TSPAN15: variants seen among roughly 807,000 people sequenced by gnomAD.
TSPAN15 encodes tetraspanin-15.
Under a neutral mutation model 34.5 loss-of-function variants are expected in TSPAN15, and 20 were observed. The ratio of observed to expected loss-of-function variants is 0.58; its 90% CI spans 0.41 to 0.84. The LOEUF is 0.84. Ranked by LOEUF, TSPAN15 falls within the 40% of genes least tolerant of loss-of-function variation. The pLI, the probability that TSPAN15 is intolerant of heterozygous loss-of-function variation, is 0.00. For missense variants in TSPAN15, 313 were observed against 386.1 expected (o/e 0.81, Z 1.59); for synonymous variants, 155 against 153.9 (o/e 1.01, Z -0.05).
At chr10:69,530,432 T>A in the TSPAN15 span, among the ~76,000 whole-genome samples, 1 of 147,772 alleles carries the variant, frequency 6.8e-6, no homozygotes, top group Non-Finnish European at 1.5e-5. Context: ...AATAACAAAA[T>A]CTGATGAGTA....
At chr10:69,455,350 C>A (rs902647628) in intron 1 of TSPAN15, among the ~76,000 whole-genome samples, 1 of 152,096 alleles carries the variant, frequency 6.6e-6, no homozygotes, top group African/African-American at 2.4e-5. Flanking sequence ...CACAGAACTA[C>A]GTATGTAGCC....
At chr10:69,505,405 C>T (rs568553948) in intron 6 of TSPAN15, among the ~76,000 whole-genome samples, 4 of 152,226 alleles carry the variant, frequency 2.6e-5, no homozygotes, top group South Asian at 2.1e-4. Flanking sequence ...ATTGTGTTGG[C>T]GACTCACATA....
intron 1 of TSPAN15, among the ~76,000 whole-genome samples, chr10:69,481,861 A>C (rs1191546096): frequency 1.3e-5 from 2 of 152,200 alleles, no homozygotes; most frequent in African/African-American, 4.8e-5. Flanking sequence ...GAAAGTCAGA[A>C]TCCTTGGACA....
At chr10:69,496,485 G>T (rs1842088364) in intron 4 of TSPAN15, among the ~76,000 whole-genome samples, 1 of 152,100 alleles carries the variant, frequency 6.6e-6, no homozygotes, top group Admixed American at 6.5e-5. Flanking sequence ...AGCTCTTGGG[G>T]CGTCGTCATG....
intron 3 of TSPAN15, chr10:69,494,980 G>T: frequency 1.5e-6 from 1 of 649,394 alleles, no homozygotes; most frequent in Non-Finnish European, 1.9e-6. Context: ...GATTGTCCCA[G>T]CCCTAGCCGA....
chr10:69,523,324 A>G, the TSPAN15 span: 3 of 502,314 alleles, frequency 6.0e-6, no homozygotes, highest in Non-Finnish European at 1.1e-5. Flanking sequence ...AGCCAAAGAA[A>G]GCCAGCCCAA....
rs568886774 is a variant in TSPAN15 at position 69,507,422 on chromosome 10, A to G, written c.*444A>G. On this transcript the variant is annotated 3_prime_UTR_variant, in exon 8 of 8. Transcript: ENST00000373290. The stretch of plus-strand genomic sequence containing the variant: ...GAAGGGCAGGAGGGAAGAGCTGTCC[A>G]TGCAGCCACGCCCATGGCCAGGTTG... 3.2e-6 allele frequency: 4 copies of G among 1,268,856 alleles called. No homozygotes were observed. Among genetic ancestry groups the G allele is most frequent in the African/African-American group, 3.1e-5 (2 of 64,508 alleles). The allele number at this position is 1,268,856 out of a possible 1,614,324, so 78.6% of individuals were successfully genotyped here.
At chr10:69,485,288 G>C in intron 3 of TSPAN15, 73 bp downstream of exon 3, 3 of 1,304,792 alleles carry the variant, frequency 2.3e-6, no homozygotes, top group Non-Finnish European at 2.2e-6. Context: ...GCTAACTGGG[G>C]GTATGGCAGT....
At chr10:69,525,524 TTAAG>T in the TSPAN15 span, among the ~76,000 whole-genome samples, 31 of 144,532 alleles carry the variant, frequency 2.1e-4, 1 homozygote, top group Non-Finnish European at 4.4e-4. Context: ...ACAAAGTTAA[TTAAG>T]TATTCAACCT....
chr10:69,456,813 G>A (rs61848389), intron 1 of TSPAN15, among the ~76,000 whole-genome samples: 11,996 of 152,196 alleles, frequency 0.079, 574 homozygotes, highest in East Asian at 0.11. Context: ...AAGTCCCTAT[G>A]ATAGGTATAC....
At chr10:69,470,151 C>T (rs1841474223) in intron 1 of TSPAN15, among the ~76,000 whole-genome samples, 1 of 152,162 alleles carries the variant, frequency 6.6e-6, no homozygotes, top group South Asian at 2.1e-4. Flanking sequence ...TGTAGGATGT[C>T]TGAGTTGCTT....
chr10:69,480,087 T>C (rs918666281), intron 1 of TSPAN15, among the ~76,000 whole-genome samples: 1 of 151,828 alleles, frequency 6.6e-6, no homozygotes, highest in Non-Finnish European at 1.5e-5. Context: ...TGTTCTGGAG[T>C]GGGTCCCAGG....
chr10:69,480,649 C>G (rs572775834), intron 1 of TSPAN15, among the ~76,000 whole-genome samples: 2 of 152,280 alleles, frequency 1.3e-5, no homozygotes, highest in Non-Finnish European at 2.9e-5. Context: ...TGAGTGATTC[C>G]TCATGGGTGG....
At position 69,507,174 on chromosome 10, in the gene TSPAN15, CT is replaced by C. The variant is rs200544473; in HGVS notation, c.*199del. On this transcript the variant is annotated 3_prime_UTR_variant, in exon 8 of 8. Transcript: ENST00000373290. The stretch of plus-strand genomic sequence containing the variant: ...CAGAGCCTGGGCCTCCCCTAAGAGG[CT>C]TTCCCCGAGGCAGCTCTGGAATCTG... 2,297 of 1,425,062 alleles carry C rather than the reference CT, an allele frequency of 1.6e-3. 26 individuals carry two copies. The African/African-American group carries it at 0.03, about 19-fold the overall frequency. The allele number at this position is 1,425,062 out of a possible 1,614,324, so 88.3% of individuals were successfully genotyped here.
chr10:69,512,949 T>C, the TSPAN15 span, among the ~76,000 whole-genome samples: 4 of 152,224 alleles, frequency 2.6e-5, no homozygotes, highest in Non-Finnish European at 4.4e-5. Context: ...TGGGTAAATA[T>C]CTAGAAGTAG....
intron 1 of TSPAN15, among the ~76,000 whole-genome samples, chr10:69,472,627 A>G (rs554415856): frequency 6.6e-6 from 1 of 152,334 alleles, no homozygotes; most frequent in Non-Finnish European, 1.5e-5. Flanking sequence ...ACCCTGGACC[A>G]AAGAGGGTCT....
intron 3 of TSPAN15, 61 bp from the exon 4 acceptor site, chr10:69,495,533 C>A: frequency 1.5e-6 from 2 of 1,294,552 alleles, no homozygotes; most frequent in Non-Finnish European, 1.1e-6. Flanking sequence ...TTCTGGAAAA[C>A]CTTGGGTTGG....
chr10:69,471,738 C>T (rs59965379), intron 1 of TSPAN15, among the ~76,000 whole-genome samples: 9,374 of 151,886 alleles, frequency 0.062, 1,002 homozygotes, highest in African/African-American at 0.22. Context: ...ATCACAGAGC[C>T]GTGCCACCAC....
the TSPAN15 span, among the ~76,000 whole-genome samples, chr10:69,541,665 A>G: frequency 6.6e-6 from 1 of 152,214 alleles, no homozygotes; most frequent in Non-Finnish European, 1.5e-5. Context: ...AGGCGTTTCC[A>G]TACATTGTCT....
Sources: allele counts gnomAD v4.1 joint callset (sites outside exome capture counted in the v4.1 genomes callset), GRCh38; gene constraint gnomAD v4.1.1; transcripts MANE v1.5; gene names NCBI Gene and HGNC (gene_info 2026-07-23, HGNC 2026-07-21).